The following SEC24D variants were observed in gnomAD, a reference collection of about 807,000 sequenced individuals.
SEC24D encodes the protein protein transport protein Sec24D.
Under a neutral mutation model 116.9 loss-of-function variants are expected in SEC24D, and 69 were observed. The observed-to-expected ratio is 0.59, with a 90% CI of 0.49 to 0.72. SEC24D has a LOEUF of 0.72. Among genes scored for constraint, SEC24D ranks in the 30% least tolerant of loss-of-function variants. The pLI is 0.00. For synonymous variants in SEC24D, 405 were observed against 442.8 expected, an observed-to-expected ratio of 0.91 and a Z score of 1.07; for missense variants, 1,131 against 1,264.1, an observed-to-expected ratio of 0.89 and a Z score of 1.60.
chr4:118,751,613 T>C (rs1726839381), intron 13 of SEC24D, among the ~76,000 whole-genome samples: 1 of 152,212 alleles, frequency 6.6e-6, no homozygotes, highest in Non-Finnish European at 1.5e-5. Flanking sequence ...TCTCTGTCAC[T>C]GACTGTGACA....
rs1015660983 is a variant in SEC24D, at chr4:118,805,305, C to T, written c.913+538G>A. Among the ~76,000 whole-genome samples the T allele has an allele frequency of 6.6e-5, 10 of 152,150 alleles. No homozygotes were observed. In the East Asian group the frequency reaches 1.3e-3, roughly 21 times the overall value. ...CAGAATCTCAGACATCAGATTTCAT[C>T]GGGCTATATTCTTAACTTGTCATCA... On this transcript the variant is annotated intron_variant, in intron 7 of 22. Coordinates refer to ENST00000280551, the MANE Select transcript of SEC24D (RefSeq NM_014822.4).
intron 10 of SEC24D, among the ~76,000 whole-genome samples, chr4:118,760,142 C>A (rs1727299757): frequency 6.6e-6 from 1 of 152,150 alleles, no homozygotes; most frequent in African/African-American, 2.4e-5. Context: ...CAATTTCTCT[C>A]TTTTTCTATT....
In SEC24D at chr4:118,815,434, C is replaced by A; in HGVS notation, c.673+17G>T. 2 of 1,613,150 alleles carry A rather than the reference C, an allele frequency of 1.2e-6. No homozygotes were observed. The highest frequency in any genetic ancestry group is 1.7e-6 in the Non-Finnish European group (2 of 1,179,522). ...CTGGGTAACACAAAGCCTTCCCCTG[C>A]ACCCTGTCCGCCTTACCCTGCTGCG... On this transcript the variant is annotated intron_variant, in intron 5 of 22. Transcript: ENST00000280551.
chr4:118,781,974 A>G lies in SEC24D; in HGVS notation c.1042-13663T>C, dbSNP rs181095822. 1.4e-3 allele frequency among the ~76,000 whole-genome samples: 217 copies of G among 152,300 alleles called. 2 individuals carry two copies. Among genetic ancestry groups the G allele is most frequent in the African/African-American group, 4.9e-3 (203 of 41,570 alleles). ...CTTCTCTTCACTGTTTATTCTAGTTAGCCATTCGTCTAATGTTTTTTCAAG... is the reference window on the plus strand; with the variant it reads ...CTTCTCTTCACTGTTTATTCTAGTTGGCCATTCGTCTAATGTTTTTTCAAG... On this transcript the variant is annotated intron_variant, in intron 8 of 22. Transcript: ENST00000280551.
At chr4:118,780,001 T>G (rs1184787983) in intron 8 of SEC24D, among the ~76,000 whole-genome samples, 3 of 152,148 alleles carry the variant, frequency 2.0e-5, no homozygotes, top group Non-Finnish European at 4.4e-5. Flanking sequence ...CTTTTCTTCT[T>G]TATTAGTCTT....
intron 9 of SEC24D, among the ~76,000 whole-genome samples, chr4:118,767,791 A>G (rs144389559): frequency 1.7e-3 from 261 of 152,262 alleles, no homozygotes; most frequent in African/African-American, 5.7e-3. Flanking sequence ...CAATGAGCTG[A>G]TTTTCAAGAA....
At chr4:118,746,623 G>C (rs1726548286) in intron 13 of SEC24D, among the ~76,000 whole-genome samples, 1 of 151,750 alleles carries the variant, frequency 6.6e-6, no homozygotes, top group Non-Finnish European at 1.5e-5. Flanking sequence ...TGCTTTCCTG[G>C]GATACACCAC....
At chr4:118,742,049 T>C (rs181552656) in intron 15 of SEC24D, among the ~76,000 whole-genome samples, 21 of 152,336 alleles carry the variant, frequency 1.4e-4, no homozygotes, top group African/African-American at 4.1e-4. Context: ...TCTGCTGCAT[T>C]ATAACATTTC....
At chr4:118,755,107 G>A (rs1229145199) in intron 11 of SEC24D, among the ~76,000 whole-genome samples, 1 of 152,032 alleles carries the variant, frequency 6.6e-6, no homozygotes, top group Non-Finnish European at 1.5e-5. Context: ...CAAAATATTA[G>A]TACTGGTCTC....
chr4:118,762,312 A>G (rs1727425010), intron 10 of SEC24D, among the ~76,000 whole-genome samples: 1 of 152,116 alleles, frequency 6.6e-6, no homozygotes, highest in African/African-American at 2.4e-5. Flanking sequence ...CTGTGATCAC[A>G]CAGATACGGT....
At chr4:118,740,623 AAACT>A in intron 17 of SEC24D, 36 bp downstream of exon 17, 1 of 1,605,024 alleles carries the variant, frequency 6.2e-7, no homozygotes, top group Non-Finnish European at 8.5e-7. Context: ...TGTCGGCAAC[AAACT>A]AAAATAACGA....
At chr4:118,761,958 C>T (rs1452849592) in intron 10 of SEC24D, among the ~76,000 whole-genome samples, 1 of 152,126 alleles carries the variant, frequency 6.6e-6, no homozygotes, top group African/African-American at 2.4e-5. Context: ...CAGGTCTATA[C>T]ATTGTAAGTA....
At chr4:118,777,567 A>G (rs1322088585) in intron 8 of SEC24D, among the ~76,000 whole-genome samples, 1 of 152,216 alleles carries the variant, frequency 6.6e-6, no homozygotes, top group African/African-American at 2.4e-5. Context: ...GCCACAATAA[A>G]CATACATGTG....
At chr4:118,752,265 A>G (rs1726877178) in intron 12 of SEC24D, among the ~76,000 whole-genome samples, 176 bp from the exon 13 acceptor site, 1 of 152,206 alleles carries the variant, frequency 6.6e-6, no homozygotes, top group Non-Finnish European at 1.5e-5. Flanking sequence ...ACCAAAATCT[A>G]TGATTTGAAT....
chr4:118,746,761 G>A (rs1367352215), intron 13 of SEC24D, among the ~76,000 whole-genome samples: 1 of 152,096 alleles, frequency 6.6e-6, no homozygotes, highest in Non-Finnish European at 1.5e-5. Context: ...AAGATGTGCA[G>A]TAAGTGCTAC....
At chr4:118,754,697 GT>G (rs1358346926) in intron 11 of SEC24D, among the ~76,000 whole-genome samples, 1 of 152,122 alleles carries the variant, frequency 6.6e-6, no homozygotes, top group Non-Finnish European at 1.5e-5. Flanking sequence ...CCCAACTCCA[GT>G]TTAGTCATGT....
At chr4:118,730,108 T>C (rs1725607369) in intron 21 of SEC24D, 1 of 152,242 alleles carries the variant, frequency 6.6e-6, no homozygotes, top group Non-Finnish European at 1.5e-5. Flanking sequence ...AGACACTGGC[T>C]ATTTCCTGTG....
At chr4:118,788,658 T>TA (rs1728756175) in intron 8 of SEC24D, among the ~76,000 whole-genome samples, 1 of 152,216 alleles carries the variant, frequency 6.6e-6, no homozygotes, top group Non-Finnish European at 1.5e-5. Flanking sequence ...CAGAGTTTGT[T>TA]AGAGAGGTGA....
chr4:118,806,011 C>T (rs575241745), intron 6 of SEC24D, 57 bp from the exon 7 acceptor site: 2 of 1,117,524 alleles, frequency 1.8e-6, no homozygotes, highest in African/African-American at 3.1e-5. Context: ...TCCCAACATT[C>T]CATTTAGAGA....
Sources: gnomAD v4.1 joint callset for allele counts (sites outside exome capture counted in the v4.1 genomes callset) on GRCh38, gnomAD v4.1.1 for gene constraint, MANE v1.5 for transcripts, NCBI Gene and HGNC (gene_info 2026-07-23, HGNC 2026-07-21) for gene names.